SPNS1: variants seen among roughly 807,000 people sequenced by gnomAD.
SPNS1 encodes SPNS lysolipid transporter 1, lysophospholipid.
A neutral mutation model predicts 50.3 loss-of-function variants in SPNS1; 22 were observed. The ratio of observed to expected loss-of-function variants is 0.44; its 90% CI spans 0.31 to 0.62. The LOEUF (loss-of-function observed/expected upper bound fraction) is 0.62, where lower values mean the gene tolerates loss of function less well. Ranked by LOEUF, SPNS1 falls within the 20% of genes least tolerant of loss-of-function variation. SPNS1 has a pLI of 0.07. For synonymous variants in SPNS1, 295 were observed against 317.4 expected (o/e 0.93, Z 0.75); for missense variants, 576 against 728.6 (o/e 0.79, Z 2.41).
chr16:28,981,402 A>G lies in SPNS1; in HGVS notation c.664-68A>G, dbSNP rs2141673442. The G allele has an allele frequency of 1.3e-6, 2 of 1,598,046 alleles. No individual in the cohort carries two copies. Among genetic ancestry groups the G allele is most frequent in the East Asian group, 2.2e-5 (1 of 44,642 alleles). ...CAGGCTGGAGTTATCTGTACCCCAC[A>G]CTCTCCTCCAGCCCAGGGCTTGAGT... On this transcript the variant is annotated intron_variant, in intron 5 of 11. Coordinates refer to ENST00000311008, the MANE Select transcript of SPNS1 (RefSeq NM_032038.3). The surrounding 1 kb of genome is among the most constrained non-coding windows in gnomAD (Gnocchi z 4.2).
Position 28,974,961 on chromosome 16 carries a change from A to G in SPNS1, c.-191A>G. The G allele has an allele frequency of 3.4e-6, 5 of 1,471,972 alleles. No individual in the cohort carries two copies. The highest frequency in any genetic ancestry group is 2.3e-5 in the Admixed American group (1 of 43,610). 91.2% of individuals were successfully genotyped at this position (1,471,972 alleles called of 1,614,324 possible). On this transcript the variant is annotated 5_prime_UTR_variant, in exon 1 of 12. Transcript: ENST00000311008. The stretch of plus-strand genomic sequence containing the variant: ...CACGTCCCCTCCGCGCTGTGTGTCT[A>G]CTGAGACGGGGAGGCGTGACAGGGC...
rs1965561925 is a variant in SPNS1, at chr16:28,981,778, G to A, written c.810-123G>A. 1 of 1,497,242 alleles carries A rather than the reference G, an allele frequency of 6.7e-7. No homozygotes were observed. Among genetic ancestry groups the A allele is most frequent in the African/African-American group, 1.4e-5 (1 of 72,458 alleles). The allele number at this position is 1,497,242 out of a possible 1,614,324, so 92.7% of individuals were successfully genotyped here. A position where few individuals can be genotyped will look rare whatever the true frequency, so the allele number is the denominator to read the frequency against. On this transcript the variant is annotated intron_variant, in intron 6 of 11. Coordinates refer to ENST00000311008, the MANE Select transcript of SPNS1 (RefSeq NM_032038.3). The surrounding 1 kb of genome is among the most constrained non-coding windows in gnomAD (Gnocchi z 4.2). ...TGAATTACAGGCCCAGATCCTGGGA[G>A]CCAGAACCACCTCTGCACGGTGTTG... is the stretch of plus-strand genomic sequence containing the variant.
At chr16:28,976,040 G>A (rs1397883553) in intron 2 of SPNS1, among the ~76,000 whole-genome samples, 2 of 152,212 alleles carry the variant, frequency 1.3e-5, no homozygotes, top group African/African-American at 4.8e-5. Flanking sequence ...GGGAGGCCAA[G>A]ATGAGTGGAT....
chr16:28,974,812 T>C lies in SPNS1; in HGVS notation c.-340T>C. The C allele has an allele frequency of 1.3e-6, 2 of 1,535,656 alleles. No homozygotes were observed. Among genetic ancestry groups the C allele is most frequent in the South Asian group, 1.2e-5 (1 of 84,026 alleles). On this transcript the variant is annotated 5_prime_UTR_variant, in exon 1 of 12. Coordinates refer to ENST00000311008, the MANE Select transcript of SPNS1 (RefSeq NM_032038.3). ...GCTTTAAGCAACATGGCGGCTGCCG[T>C]GGTGCAGCGCCCGGGCTGAGCGACA... is the stretch of plus-strand genomic sequence containing the variant.
intron 5 of SPNS1, chr16:28,980,798 G>T (rs1965519453): frequency 6.6e-6 from 1 of 152,316 alleles, no homozygotes; most frequent in South Asian, 2.1e-4. Flanking sequence ...AGGTTGCAGT[G>T]AGCCGAGATC....
At chr16:28,978,928 G>C in intron 3 of SPNS1, 2 of 586,022 alleles carry the variant, frequency 3.4e-6, no homozygotes. Context: ...AAAAGTTGTT[G>C]TTATCCTCCT....
Position 28,974,846 on chromosome 16 carries a change from A to G in SPNS1, c.-306A>G. 1 of 1,535,590 alleles carries G rather than the reference A, an allele frequency of 6.5e-7. No individual in the cohort carries two copies. Among genetic ancestry groups the G allele is most frequent in the East Asian group, 2.4e-5 (1 of 41,026 alleles). ...GCCCGGGCTGAGCGACAGCAAGTGC[A>G]GCGGGCTCCTACCCCGGGTGAGGGG... On this transcript the variant is annotated 5_prime_UTR_variant, in exon 1 of 12. Transcript: ENST00000311008.
At position 28,974,799 on chromosome 16, in the gene SPNS1, A is replaced by G. The variant is rs1163197438; in HGVS notation, c.-353A>G. On this transcript the variant is annotated 5_prime_UTR_variant, in exon 1 of 12. It removes an upstream start codon present in the reference 5' UTR. Coordinates refer to ENST00000311008, the MANE Select transcript of SPNS1 (RefSeq NM_032038.3). ...CGTCACATGACCGGCTTTAAGCAAC[A>G]TGGCGGCTGCCGTGGTGCAGCGCCC... is the stretch of plus-strand genomic sequence containing the variant. 3 of 1,535,174 alleles carry G rather than the reference A, an allele frequency of 2.0e-6. No homozygotes were observed. The highest frequency in any genetic ancestry group is 1.2e-5 in the South Asian group (1 of 84,020).
intron 8 of SPNS1, 94 bp from the exon 9 acceptor site, chr16:28,982,763 G>A: frequency 1.4e-6 from 2 of 1,437,806 alleles, no homozygotes; most frequent in Non-Finnish European, 1.9e-6. Context: ...GGTGTGATGA[G>A]GATTAAATTA....
intron 5 of SPNS1, among the ~76,000 whole-genome samples, chr16:28,980,884 C>T (rs1009940435): frequency 3.2e-4 from 49 of 151,234 alleles, no homozygotes; most frequent in African/African-American, 4.4e-4. Context: ...ACAAACAAAC[C>T]GTAAGCCCCC....
downstream of SPNS1, chr16:28,984,548 A>T (rs1367259390): frequency 3.2e-6 from 2 of 622,320 alleles, no homozygotes; most frequent in Non-Finnish European, 5.8e-6. Context: ...GCCAGACCCC[A>T]GGTGCCTGCT....
chr16:28,979,668 A>G, intron 5 of SPNS1, 197 bp downstream of exon 5: 1 of 606,548 alleles, frequency 1.6e-6, no homozygotes, highest in Admixed American at 2.7e-5. Context: ...CTCCCACCTC[A>G]GCCTCCCAAG....
Position 28,975,146 on chromosome 16 carries a change from G to A in SPNS1, c.-6G>A, listed in dbSNP as rs1214074348. On this transcript the variant is annotated 5_prime_UTR_variant, in exon 1 of 12. Transcript: ENST00000311008. The stretch of plus-strand genomic sequence containing the variant: ...GGAGCGCGGGCGGGCGCGGCCCCCC[G>A]GGACCATGGCCGGGTCCGACACCGC... 2.7e-6 allele frequency: 4 copies of A among 1,484,062 alleles called. No individual in the cohort carries two copies. Among genetic ancestry groups the A allele is most frequent in the Non-Finnish European group, 2.7e-6 (3 of 1,120,632 alleles). 91.9% of individuals were successfully genotyped at this position (1,484,062 alleles called of 1,614,324 possible).
intron 1 of SPNS1, 46 bp from the exon 2 acceptor site, chr16:28,975,446 C>G: frequency 6.2e-7 from 1 of 1,614,228 alleles, no homozygotes; most frequent in South Asian, 1.1e-5. Context: ...GCCAGGGTCC[C>G]GAGGGTGGCG....
In SPNS1 at chr16:28,981,490, G is replaced by A. The variant is rs1965549626; in HGVS notation, c.684G>A (p.Val228=). The A allele has an allele frequency of 6.2e-7, 1 of 1,614,116 alleles. No homozygotes were observed. Among genetic ancestry groups the A allele is most frequent in the Non-Finnish European group, 8.5e-7 (1 of 1,180,010 alleles). Residue 228 remains valine (V), a synonymous_variant, in exon 6 of 12, where the codon GTG becomes GTA. Coordinates refer to ENST00000311008, the MANE Select transcript of SPNS1 (RefSeq NM_032038.3). This position sits in a 1 kb window ranked among gnomAD's most constrained non-coding sequence, Gnocchi z 4.2. ...WALRVTPGLG[V]VAVLLLFLVV... The stretch of plus-strand genomic sequence containing the variant: ...CCCAGGTGACACCGGGTCTAGGAGT[G>A]GTGGCCGTTCTGCTGCTGTTCCTGG...
intron 2 of SPNS1, among the ~76,000 whole-genome samples, chr16:28,977,374 C>G (rs1449818454): frequency 1.3e-5 from 2 of 151,204 alleles, no homozygotes; most frequent in Non-Finnish European, 2.9e-5. Flanking sequence ...TGGATGTGTG[C>G]TCACCTGGGC....
Position 28,983,950 on chromosome 16 carries a change from C to A in SPNS1, c.1485C>A (p.His495Gln). 1 of 1,581,856 alleles carries A rather than the reference C, an allele frequency of 6.3e-7. No individual in the cohort carries two copies. The highest frequency in any genetic ancestry group is 1.1e-5 in the South Asian group (1 of 88,928). ...CCGACCGCCGGCGGGCACAGCTGCA[C>A]GTGCAGGGTCAGTTAGGAGCTGTGC... ...IEADRRRAQL[H>Q]VQGLLHEAGS... is the part of the protein sequence containing the mutation. Residue 495 changes from histidine (H) to glutamine (Q), a missense_variant, in exon 11 of 12, where the codon CAC becomes CAA. Around this residue, in one of 3 missense-constraint regions of SPNS1, gnomAD observed 428 missense variants for 520.1 expected, o/e 0.82. Transcript: ENST00000311008. This position sits in a 1 kb window ranked among gnomAD's most constrained non-coding sequence, Gnocchi z 5.4.
rs1292843126 is a variant in SPNS1 at position 28,975,269 on chromosome 16, G to A, written c.118G>A (p.Glu40Lys). 1.9e-6 allele frequency: 3 copies of A among 1,562,690 alleles called. No homozygotes were observed. Among genetic ancestry groups the A allele is most frequent in the Non-Finnish European group, 2.6e-6 (3 of 1,153,142 alleles). The change falls in exon 1 of 12, where the codon GAG becomes AAG. Residue 40 changes from glutamate to lysine, a missense_variant. Coordinates refer to ENST00000311008, the MANE Select transcript of SPNS1 (RefSeq NM_032038.3). ...GGGGAACCCGAAGTCCGAGGAGCCC[G>A]AGGTCCCGGACCAGGAGGGGCTGCA... ...STGNPKSEEP[E>K]VPDQEGLQRI... is the part of the protein sequence containing the mutation.
chr16:28,982,352 CT>C lies in SPNS1; in HGVS notation c.966-3del, dbSNP rs756050994. On this transcript the variant is annotated splice_region_variant and splice_polypyrimidine_tract_variant and intron_variant, in intron 7 of 11. Coordinates refer to ENST00000311008, the MANE Select transcript of SPNS1 (RefSeq NM_032038.3). ...AACCCCCCATTCCCTTCCCTCACCCCTAGTCTCATCTTTGGACTCATCACCT... is the reference window on the plus strand; with the variant it reads ...AACCCCCCATTCCCTTCCCTCACCCCAGTCTCATCTTTGGACTCATCACCT... The C allele has an allele frequency of 1.9e-6, 3 of 1,575,600 alleles. No individual in the cohort carries two copies. Among genetic ancestry groups the C allele is most frequent in the Admixed American group, 1.8e-5 (1 of 56,750 alleles).
Sources: allele counts gnomAD v4.1 joint callset (sites outside exome capture counted in the v4.1 genomes callset), GRCh38; gene constraint gnomAD v4.1.1; regional missense constraint gnomAD v4.1.1; non-coding constraint Gnocchi (gnomAD v3.1); transcripts MANE v1.5; gene names NCBI Gene and HGNC (gene_info 2026-07-23, HGNC 2026-07-21).